DCC: variants seen among roughly 807,000 people sequenced by gnomAD.
DCC encodes the protein netrin receptor DCC.
DCC carries 58 observed loss-of-function variants against 172.5 expected under a neutral mutation model. The observed-to-expected ratio is 0.34, with a 90% CI of 0.27 to 0.42. The LOEUF is 0.42. DCC is among the 10% of genes least tolerant of loss of function. DCC has a pLI of 1.00. For missense variants in DCC, 1,740 were observed against 1,791.0 expected (o/e 0.97, Z 0.51); for synonymous variants, 709 against 644.5 (o/e 1.10, Z -1.52).
intron 9 of DCC, among the ~76,000 whole-genome samples, chr18:53,188,549 C>T (rs939638424): frequency 6.6e-6 from 1 of 152,160 alleles, no homozygotes; most frequent in Non-Finnish European, 1.5e-5. Flanking sequence ...ACACAATTTA[C>T]CTCAATTTCA....
chr18:52,362,646 C>T (rs907285634), intron 1 of DCC, among the ~76,000 whole-genome samples: 8 of 151,676 alleles, frequency 5.3e-5, no homozygotes, highest in African/African-American at 1.9e-4. Context: ...CTCCTGAAAC[C>T]AAGAATATCA....
At chr18:52,771,905 C>T (rs979525101) in intron 2 of DCC, among the ~76,000 whole-genome samples, 2 of 150,228 alleles carry the variant, frequency 1.3e-5, no homozygotes, top group Admixed American at 6.6e-5. Context: ...AAGAACAAGG[C>T]CCAGGTGTTC....
Position 52,470,090 on chromosome 18 carries a change from G to T in DCC, c.91+129212G>T, listed in dbSNP as rs562773060. On this transcript the variant is annotated intron_variant, in intron 1 of 28. Coordinates refer to ENST00000442544, the MANE Select transcript of DCC (RefSeq NM_005215.4). ...GTCAGTCAAATATGTATTTGATTGT[G>T]AAGAAACAGATAAAAAGAATATTTA... 5.3e-5 allele frequency among the ~76,000 whole-genome samples: 8 copies of T among 152,318 alleles called. No individual in the cohort carries two copies. In the South Asian group the frequency reaches 1.7e-3, roughly 32 times the overall value.
rs935091228 is a variant in DCC, at chr18:52,473,668, A to G, written c.91+132790A>G. ...TGAGAACTAACTCACTATCATGAGA[A>G]CAGGATAGGGGAAACTGCCCCCATG... On this transcript the variant is annotated intron_variant, in intron 1 of 28. Transcript: ENST00000442544. 3.9e-5 allele frequency among the ~76,000 whole-genome samples: 6 copies of G among 152,288 alleles called. No homozygotes were observed. In the East Asian group the frequency reaches 1.2e-3, roughly 29 times the overall value.
At chr18:52,886,821 T>C (rs2039577851) in intron 2 of DCC, among the ~76,000 whole-genome samples, 2 of 152,184 alleles carry the variant, frequency 1.3e-5, no homozygotes, top group South Asian at 4.1e-4. Context: ...TAAAATTTGG[T>C]GTGTGTCAGC....
At chr18:52,637,418 T>C (rs1568267141) in intron 1 of DCC, among the ~76,000 whole-genome samples, 1 of 151,746 alleles carries the variant, frequency 6.6e-6, no homozygotes, top group Non-Finnish European at 1.5e-5. Context: ...CAAAATATGA[T>C]ACCAGAAGTG....
chr18:53,133,890 T>C (rs916312784), intron 7 of DCC, among the ~76,000 whole-genome samples: 1 of 152,166 alleles, frequency 6.6e-6, no homozygotes. Flanking sequence ...AAGAATAAAA[T>C]TCAGAGTTTA....
chr18:52,913,659 TGGAAA>T (rs2040000913), intron 3 of DCC, among the ~76,000 whole-genome samples: 4 of 152,120 alleles, frequency 2.6e-5, no homozygotes, highest in Admixed American at 1.3e-4. Context: ...GAATATGTCT[TGGAAA>T]GGAGAGAACC....
intron 1 of DCC, among the ~76,000 whole-genome samples, chr18:52,569,481 C>A (rs2033243120): frequency 6.6e-6 from 1 of 152,080 alleles, no homozygotes; most frequent in Non-Finnish European, 1.5e-5. Context: ...GGAAACATGA[C>A]TTAGAGATTT....
intron 21 of DCC, among the ~76,000 whole-genome samples, chr18:53,426,857 T>A (rs987391905): frequency 1.3e-5 from 2 of 152,146 alleles, no homozygotes; most frequent in Admixed American, 6.6e-5. Flanking sequence ...AGTGTCGTTA[T>A]CTACACAGAC....
chr18:53,181,556 T>C (rs1165097609), intron 9 of DCC, among the ~76,000 whole-genome samples: 1 of 152,122 alleles, frequency 6.6e-6, no homozygotes, highest in Non-Finnish European at 1.5e-5. Context: ...TTCTGCTATT[T>C]TAATATAATT....
At chr18:53,518,776 C>G (rs1465404244) in intron 27 of DCC, among the ~76,000 whole-genome samples, 1 of 152,092 alleles carries the variant, frequency 6.6e-6, no homozygotes, top group Non-Finnish European at 1.5e-5. Context: ...CAACATGCAC[C>G]CTGGATAGGG....
intron 1 of DCC, among the ~76,000 whole-genome samples, chr18:52,614,425 A>G (rs1938228419): frequency 1.3e-5 from 2 of 152,210 alleles, no homozygotes; most frequent in Admixed American, 1.3e-4. Flanking sequence ...AATACTTTGT[A>G]GCCCAATCTT....
chr18:52,509,041 A>T (rs1848752746), intron 1 of DCC, among the ~76,000 whole-genome samples: 1 of 152,348 alleles, frequency 6.6e-6, no homozygotes, highest in South Asian at 2.1e-4. Flanking sequence ...GAGTTTAATT[A>T]TTGGAAAGAC....
At chr18:53,126,895 C>T (rs2043564988) in intron 7 of DCC, among the ~76,000 whole-genome samples, 1 of 152,096 alleles carries the variant, frequency 6.6e-6, no homozygotes, top group Admixed American at 6.6e-5. Flanking sequence ...CTGTCTACTT[C>T]AGAATTATTT....
intron 1 of DCC, among the ~76,000 whole-genome samples, chr18:52,461,842 C>T (rs1429897736): frequency 1.3e-5 from 2 of 152,100 alleles, no homozygotes; most frequent in African/African-American, 2.4e-5. Flanking sequence ...GACCTCTCCC[C>T]GAAACTACAG....
intron 5 of DCC, among the ~76,000 whole-genome samples, chr18:53,035,513 A>G (rs1037238533): frequency 1.3e-5 from 2 of 152,126 alleles, no homozygotes; most frequent in African/African-American, 4.8e-5. Flanking sequence ...AGTGTATTTT[A>G]TAAAATTTTA....
chr18:53,413,871 C>CAGGT (rs1910139757), intron 20 of DCC, among the ~76,000 whole-genome samples: 1 of 152,142 alleles, frequency 6.6e-6, no homozygotes, highest in South Asian at 2.1e-4. Flanking sequence ...TGTCAAGGAT[C>CAGGT]AGGTCATTCT....
intron 1 of DCC, among the ~76,000 whole-genome samples, chr18:52,437,130 C>A: frequency 6.6e-6 from 1 of 152,092 alleles, no homozygotes; most frequent in East Asian, 1.9e-4. Flanking sequence ...GTAGGCATTA[C>A]TTTTTAAAAT....
Sources: allele counts gnomAD v4.1 joint callset (sites outside exome capture counted in the v4.1 genomes callset), GRCh38; gene constraint gnomAD v4.1.1; transcripts MANE v1.5; gene names NCBI Gene and HGNC (gene_info 2026-07-23, HGNC 2026-07-21).